The following SLC38A11 variants were observed in gnomAD, a reference collection of about 807,000 sequenced individuals.
The protein encoded by SLC38A11 is putative sodium-coupled neutral amino acid transporter 11.
In SLC38A11, 51 loss-of-function variants were observed where a neutral mutation model predicts 49.4. The observed-to-expected ratio is 1.03, with a 90% confidence interval of 0.83 to 1.30. The LOEUF (loss-of-function observed/expected upper bound fraction) is 1.30, where lower values mean the gene tolerates loss of function less well. Ranked by LOEUF, SLC38A11 falls within the 50% of genes most tolerant of loss-of-function variation. The pLI is 0.00. For synonymous variants in SLC38A11, 203 were observed against 192.9 expected (o/e 1.05, Z -0.43); for missense variants, 574 against 556.2 (o/e 1.03, Z -0.32).
Position 164,915,241 on chromosome 2 carries a change from A to G in SLC38A11, c.721T>C (p.Tyr241His). Reference sequence around the variant, plus strand: ...ACTGTGGGTTCTTCTAGAGAACTGTAAACTAAGAAGGAGTTATGGTGGCAA... The same window carrying G: ...ACTGTGGGTTCTTCTAGAGAACTGTGAACTAAGAAGGAGTTATGGTGGCAA... ...FICHHNSFLVYSSLEEPTVAK... is the reference protein window; with the variant it reads ...FICHHNSFLVHSSLEEPTVAK... The change falls in exon 9 of 12, where the codon TAC becomes CAC. Residue 241 changes from tyrosine (Y) to histidine (H), a missense_variant. Coordinates refer to ENST00000685975, the MANE Select transcript of SLC38A11 (RefSeq NM_001351537.2). 1 of 1,609,648 alleles carries G rather than the reference A, an allele frequency of 6.2e-7. No homozygotes were observed. Among genetic ancestry groups the G allele is most frequent in the Middle Eastern group, 1.7e-4 (1 of 6,028 alleles).
chr2:164,923,815 AC>A (rs1372830157), intron 7 of SLC38A11, among the ~76,000 whole-genome samples: 3 of 151,184 alleles, frequency 2.0e-5, no homozygotes, highest in Non-Finnish European at 2.9e-5. Flanking sequence ...AAAAAAAAAA[AC>A]AAATGTTAGT....
chr2:164,919,418 A>G (rs893916816), intron 7 of SLC38A11, among the ~76,000 whole-genome samples: 3 of 152,216 alleles, frequency 2.0e-5, no homozygotes, highest in African/African-American at 7.2e-5. Context: ...AGTTATAATA[A>G]AGATAAACAA....
At position 164,944,557 on chromosome 2, in the gene SLC38A11, A is replaced by G; in HGVS notation, c.430+12T>C. On this transcript the variant is annotated intron_variant, in intron 5 of 11. Transcript: ENST00000685975. ...ATATATTTAAATCCTCACAATTTTTATTTTGGCTTACCTCCTGGGATTCTT... is the reference window on the plus strand; with the variant it reads ...ATATATTTAAATCCTCACAATTTTTGTTTTGGCTTACCTCCTGGGATTCTT... 7.9e-7 allele frequency: 1 copy of G among 1,265,094 alleles called. No homozygotes were observed. The highest frequency in any genetic ancestry group is 1.0e-6 in the Non-Finnish European group (1 of 976,406). The allele number at this position is 1,265,094 out of a possible 1,614,324, so 78.4% of individuals were successfully genotyped here.
At chr2:164,942,976 C>T (rs1003983174) in intron 5 of SLC38A11, among the ~76,000 whole-genome samples, 1 of 152,196 alleles carries the variant, frequency 6.6e-6, no homozygotes, top group Admixed American at 6.5e-5. Flanking sequence ...GCTATGTCTC[C>T]GTGATCTCAA....
intron 10 of SLC38A11, among the ~76,000 whole-genome samples, chr2:164,910,987 AT>A (rs1685358551): frequency 6.6e-6 from 1 of 151,852 alleles, no homozygotes; most frequent in African/African-American, 2.4e-5. Context: ...TGACAATACA[AT>A]ATATTTATAT....
At position 164,945,512 on chromosome 2, in the gene SLC38A11, T is replaced by A. The variant is rs928904247; in HGVS notation, c.364+81A>T. 4 of 1,325,448 alleles carry A rather than the reference T, an allele frequency of 3.0e-6. No homozygotes were observed. In the African/African-American group the frequency reaches 6.1e-5, roughly 20 times the overall value. 82.1% of individuals were successfully genotyped at this position (1,325,448 alleles called of 1,614,324 possible). On this transcript the variant is annotated intron_variant, in intron 4 of 11. Coordinates refer to ENST00000685975, the MANE Select transcript of SLC38A11 (RefSeq NM_001351537.2). ...CAACTGCTATAGTGATATTCTTTAA[T>A]GACTATTAAAAGTATTTTATTCAGA...
At chr2:164,934,803 G>A (rs1187115352) in intron 7 of SLC38A11, among the ~76,000 whole-genome samples, 2 of 151,996 alleles carry the variant, frequency 1.3e-5, no homozygotes, top group East Asian at 1.9e-4. Context: ...ATGGTATTCT[G>A]TTTAATATAC....
chr2:164,925,318 T>C (rs1686494514), intron 7 of SLC38A11, among the ~76,000 whole-genome samples: 1 of 152,170 alleles, frequency 6.6e-6, no homozygotes, highest in Admixed American at 6.5e-5. Flanking sequence ...GTGAGAATTA[T>C]GGGTGTCGCT....
Position 164,898,329 on chromosome 2 carries a change from T to C in SLC38A11, c.*108A>G, listed in dbSNP as rs916175776. On this transcript the variant is annotated 3_prime_UTR_variant, in exon 12 of 12. Coordinates refer to ENST00000685975, the MANE Select transcript of SLC38A11 (RefSeq NM_001351537.2). ...ACTACTCATAAAAGCCAAGTCTTGA[T>C]AAAAGCCAAAATAATAATTTTATAT... The C allele has an allele frequency of 1.1e-6, 1 of 883,424 alleles. No homozygotes were observed. Among genetic ancestry groups the C allele is most frequent in the Non-Finnish European group, 1.7e-6 (1 of 591,432 alleles). 54.7% of individuals were successfully genotyped at this position (883,424 alleles called of 1,614,324 possible).
Position 164,937,672 on chromosome 2 carries a change from C to T in SLC38A11, c.538-243G>A, listed in dbSNP as rs1015564628. On this transcript the variant is annotated intron_variant, in intron 6 of 11. Coordinates refer to ENST00000685975, the MANE Select transcript of SLC38A11 (RefSeq NM_001351537.2). ...CAAGTATTATACATGACTGTCATCA[C>T]CATGCAACATGGCTTTAAAAATTTT... The T allele has an allele frequency of 1.3e-5, 4 of 304,360 alleles. No homozygotes were observed. The South Asian group carries it at 2.2e-4, about 17-fold the overall frequency. 18.9% of individuals were successfully genotyped at this position (304,360 alleles called of 1,614,324 possible).
At chr2:164,950,881 T>C (rs1688475398) in intron 3 of SLC38A11, among the ~76,000 whole-genome samples, 1 of 152,128 alleles carries the variant, frequency 6.6e-6, no homozygotes, top group South Asian at 2.1e-4. Context: ...TTCAACATTA[T>C]ACCCTACATG....
chr2:164,942,362 G>A (rs1687832512), intron 5 of SLC38A11, among the ~76,000 whole-genome samples: 1 of 149,138 alleles, frequency 6.7e-6, no homozygotes, highest in South Asian at 2.1e-4. Flanking sequence ...CTGAGCCCGG[G>A]AGGTCAGGAA....
At chr2:164,901,693 C>G (rs867676434) in intron 11 of SLC38A11, among the ~76,000 whole-genome samples, 4 of 152,098 alleles carry the variant, frequency 2.6e-5, no homozygotes, top group Non-Finnish European at 4.4e-5. Context: ...ATCATGTCAT[C>G]GGCAAATAGA....
chr2:164,909,494 G>T (rs573360265), intron 10 of SLC38A11, among the ~76,000 whole-genome samples: 4 of 150,992 alleles, frequency 2.6e-5, no homozygotes, highest in Non-Finnish European at 5.9e-5. Context: ...GGACAAAAAA[G>T]ATCAAGGAGA....
At chr2:164,953,346 T>C (rs1688647910) in intron 2 of SLC38A11, 1 of 152,248 alleles carries the variant, frequency 6.6e-6, no homozygotes, top group African/African-American at 2.4e-5. Context: ...AACTTTAGAT[T>C]ATGGACAATA....
At position 164,908,725 on chromosome 2, in the gene SLC38A11, T is replaced by G. The variant is rs1256251463; in HGVS notation, c.1010A>C (p.His337Pro). ...GATGACCATCACTGTTACAACAATGTGGAAAACCGATGAAAGATTCCCACC... is the reference window on the plus strand; with the variant it reads ...GATGACCATCACTGTTACAACAATGGGGAAAACCGATGAAAGATTCCCACC... ...FFGGNLSSVF[H>P]IVVTVMVITV... Residue 337 changes from histidine to proline, a missense_variant, in exon 11 of 12, where the codon CAC (histidine) becomes CCC (proline). Coordinates refer to ENST00000685975, the MANE Select transcript of SLC38A11 (RefSeq NM_001351537.2). 6.2e-7 allele frequency: 1 copy of G among 1,611,264 alleles called. No homozygotes were observed. The highest frequency in any genetic ancestry group is 8.5e-7 in the Non-Finnish European group (1 of 1,178,604).
At chr2:164,931,709 T>C (rs1687020843) in intron 7 of SLC38A11, among the ~76,000 whole-genome samples, 1 of 152,120 alleles carries the variant, frequency 6.6e-6, no homozygotes, top group Non-Finnish European at 1.5e-5. Context: ...CTGGGATAAC[T>C]AGCTAGCCAA....
intron 11 of SLC38A11, among the ~76,000 whole-genome samples, chr2:164,905,423 C>T (rs1684932805): frequency 6.6e-6 from 1 of 152,188 alleles, no homozygotes; most frequent in African/African-American, 2.4e-5. Context: ...TCAGCCACTG[C>T]GCCCTGCCCA....
intron 5 of SLC38A11, among the ~76,000 whole-genome samples, chr2:164,944,081 C>A (rs539529664): frequency 6.6e-6 from 1 of 152,102 alleles, no homozygotes; most frequent in Non-Finnish European, 1.5e-5. Context: ...GTCTTGAACT[C>A]CTGAGCTCAA....
Sources: allele counts gnomAD v4.1 joint callset (sites outside exome capture counted in the v4.1 genomes callset), GRCh38; gene constraint gnomAD v4.1.1; transcripts MANE v1.5; gene names NCBI Gene and HGNC (gene_info 2026-07-23, HGNC 2026-07-21).